CACNB4: variants seen among roughly 807,000 people sequenced by gnomAD.
CACNB4 encodes the protein voltage-dependent L-type calcium channel subunit beta-4.
CACNB4 carries 32 observed loss-of-function variants against 71.2 expected under a neutral mutation model. The ratio of observed to expected loss-of-function variants is 0.45; its 90% CI spans 0.34 to 0.60. CACNB4 has a LOEUF of 0.60. CACNB4 is among the 20% of genes least tolerant of loss of function. The probability of loss-of-function intolerance (pLI) is 0.01; values close to 1 mark genes in which losing one functional copy is unlikely to be tolerated. For synonymous variants in CACNB4, 231 were observed against 236.9 expected, an observed-to-expected ratio of 0.97 and a Z score of 0.23; for missense variants, 464 against 647.9, an observed-to-expected ratio of 0.72 and a Z score of 3.08.
chr2:151,891,572 ACTG>A (rs2099850725), intron 2 of CACNB4, among the ~76,000 whole-genome samples: 1 of 152,332 alleles, frequency 6.6e-6, no homozygotes, highest in East Asian at 1.9e-4. Flanking sequence ...TTGGGCAAAA[ACTG>A]CTGTGATAAT....
rs185696164 is a variant in CACNB4 at position 152,097,257 on chromosome 2, G to A, written c.147+1073C>T. Among the ~76,000 whole-genome samples the A allele has an allele frequency of 9.9e-4, 151 of 152,126 alleles. 2 individuals carry two copies. The highest frequency in any genetic ancestry group is 1.8e-4 in the Non-Finnish European group (12 of 67,986). On this transcript the variant is annotated intron_variant, in intron 2 of 13. Transcript: ENST00000539935. ...AGTTCAATTTTGATATCAATTCCTC[G>A]TTGATATGTTTAAATTGATGATAAT...
intron 2 of CACNB4, among the ~76,000 whole-genome samples, chr2:151,900,391 T>C (rs1346742776): frequency 6.6e-6 from 1 of 152,240 alleles, no homozygotes; most frequent in Admixed American, 6.5e-5. Context: ...GCGCTGGAAC[T>C]GTGCCATAAG....
At chr2:152,073,524 G>A (rs1686816860) in intron 2 of CACNB4, among the ~76,000 whole-genome samples, 1 of 152,172 alleles carries the variant, frequency 6.6e-6, no homozygotes, top group Admixed American at 6.5e-5. Flanking sequence ...GCTGGCATAA[G>A]TTAGCATAAG....
chr2:152,050,158 T>C (rs774883887), intron 2 of CACNB4, among the ~76,000 whole-genome samples: 8 of 152,202 alleles, frequency 5.3e-5, no homozygotes, highest in African/African-American at 9.6e-5. Flanking sequence ...CAAAGTGACA[T>C]AGTGTGCTGG....
At chr2:151,999,964 C>T (rs1011425499) in intron 2 of CACNB4, among the ~76,000 whole-genome samples, 1 of 152,208 alleles carries the variant, frequency 6.6e-6, no homozygotes, top group Non-Finnish European at 1.5e-5. Context: ...TCTGAGCAAA[C>T]TTTGTTGACT....
intron 2 of CACNB4, among the ~76,000 whole-genome samples, chr2:152,017,935 C>A (rs1298455489): frequency 6.6e-6 from 1 of 151,590 alleles, no homozygotes; most frequent in African/African-American, 2.4e-5. Flanking sequence ...TGGGTTCAAG[C>A]GATTCTCCTG....
At chr2:151,966,496 G>T (rs935254815) in intron 2 of CACNB4, among the ~76,000 whole-genome samples, 1 of 152,014 alleles carries the variant, frequency 6.6e-6, no homozygotes, top group South Asian at 2.1e-4. Context: ...GGCCAGGCTG[G>T]TCTCAAACTC....
intron 5 of CACNB4, chr2:151,874,863 T>C (rs2099845549): frequency 2.5e-6 from 1 of 397,602 alleles, no homozygotes; most frequent in Non-Finnish European, 4.4e-6. Flanking sequence ...GACCTTTAAA[T>C]ACCTGCACTC....
At chr2:151,960,581 G>C (rs1263394551) in intron 2 of CACNB4, among the ~76,000 whole-genome samples, 1 of 152,176 alleles carries the variant, frequency 6.6e-6, no homozygotes, top group African/African-American at 2.4e-5. Flanking sequence ...TCACCAATGA[G>C]AGCACCTTCT....
At chr2:152,080,790 T>C (rs1687321211) in intron 2 of CACNB4, among the ~76,000 whole-genome samples, 1 of 152,158 alleles carries the variant, frequency 6.6e-6, no homozygotes, top group African/African-American at 2.4e-5. Context: ...GGCATATCCC[T>C]CATGAATGTC....
intron 4 of CACNB4, among the ~76,000 whole-genome samples, chr2:151,879,172 C>T (rs1430812945): frequency 6.6e-6 from 1 of 152,210 alleles, no homozygotes; most frequent in Non-Finnish European, 1.5e-5. Flanking sequence ...GCTTAAGTTA[C>T]TTCCTGAAAT....
intron 3 of CACNB4, among the ~76,000 whole-genome samples, chr2:151,881,879 CTTTTTTTTTT>C (rs34072100): frequency 3.8e-5 from 5 of 133,044 alleles, no homozygotes; most frequent in African/African-American, 5.6e-5. Flanking sequence ...CTCCTCCCAT[CTTTTTTTTTT>C]TTTTTTTTTG....
intron 2 of CACNB4, among the ~76,000 whole-genome samples, chr2:152,011,126 C>G (rs773177900): frequency 5.3e-5 from 8 of 152,178 alleles, no homozygotes; most frequent in Non-Finnish European, 8.8e-5. Context: ...AGAAGAGTCA[C>G]TGTCTCATGA....
intron 12 of CACNB4, among the ~76,000 whole-genome samples, chr2:151,848,103 T>C (rs1268777849): frequency 6.6e-6 from 1 of 152,194 alleles, no homozygotes; most frequent in African/African-American, 2.4e-5. Context: ...TCAAAGATAA[T>C]ACCATCTACC....
intron 2 of CACNB4, among the ~76,000 whole-genome samples, chr2:152,001,203 C>T (rs1300209354): frequency 6.6e-6 from 1 of 152,120 alleles, no homozygotes; most frequent in East Asian, 1.9e-4. Flanking sequence ...ACCACAGCCT[C>T]CTGCCTCTTG....
At chr2:151,969,258 G>A (rs1328884468) in intron 2 of CACNB4, 4 of 152,148 alleles carry the variant, frequency 2.6e-5, no homozygotes, top group African/African-American at 4.8e-5. Flanking sequence ...GACTCCAGAA[G>A]AGATGCTCTG....
At chr2:151,919,029 G>A (rs1474144708) in intron 2 of CACNB4, among the ~76,000 whole-genome samples, 1 of 152,138 alleles carries the variant, frequency 6.6e-6, no homozygotes. Flanking sequence ...ATTTCGCCTA[G>A]AGCCAACCAC....
intron 2 of CACNB4, among the ~76,000 whole-genome samples, chr2:152,022,068 A>G (rs1273328064): frequency 6.6e-6 from 1 of 152,216 alleles, no homozygotes; most frequent in Non-Finnish European, 1.5e-5. Context: ...TAGTGACTGC[A>G]CATGAGCTCA....
intron 2 of CACNB4, among the ~76,000 whole-genome samples, chr2:152,067,144 TAATA>T (rs1281656148): frequency 5.3e-5 from 8 of 151,958 alleles, no homozygotes; most frequent in African/African-American, 1.4e-4. Flanking sequence ...TAAAGTATAA[TAATA>T]AATAAATTAA....
Sources: allele counts gnomAD v4.1 joint callset (sites outside exome capture counted in the v4.1 genomes callset), GRCh38; gene constraint gnomAD v4.1.1; transcripts MANE v1.5; gene names NCBI Gene and HGNC (gene_info 2026-07-23, HGNC 2026-07-21).